The following FGF13 variants were observed in gnomAD, a reference collection of about 807,000 sequenced individuals.
The protein encoded by FGF13 is fibroblast growth factor homologous factor 2.
A neutral mutation model predicts 19.5 loss-of-function variants in FGF13; 2 were observed. The ratio of observed to expected loss-of-function variants is 0.10; its 90% CI spans 0.04 to 0.32. The LOEUF (loss-of-function observed/expected upper bound fraction) is 0.32, where lower values mean the gene tolerates loss of function less well. Among genes scored for constraint, FGF13 ranks in the 10% least tolerant of loss-of-function variants. The pLI is 1.00. For synonymous variants in FGF13, 72 were observed against 76.9 expected (o/e 0.94, Z 0.33); for missense variants, 113 against 192.7 (o/e 0.59, Z 2.45).
intron 3 of FGF13, among the ~76,000 whole-genome samples, chrX:138,816,705 G>A (rs999077876): frequency 1.8e-5 from 2 of 112,625 alleles, no homozygotes; most frequent in African/African-American, 3.2e-5. Context: ...GGACAGCTTC[G>A]AATGTGGCCC....
chrX:138,708,925 G>A lies in FGF13; in HGVS notation c.191C>T (p.Pro64Leu), dbSNP rs1408821397. 8.7e-7 allele frequency: 1 copy of A among 1,146,706 alleles called. No individual in the cohort carries two copies. The highest frequency in any genetic ancestry group is 2.2e-5 in the Admixed American group (1 of 44,519). 94.5% of individuals were successfully genotyped at this position (1,146,706 alleles called of 1,213,427 possible). Residue 64 changes from proline to leucine, a missense_variant, in exon 2 of 5, where the codon CCT (proline) becomes CTT (leucine). Pro to Leu is a moderately conservative substitution (Grantham distance 98, BLOSUM62 -3). Coordinates refer to ENST00000315930, the MANE Select transcript of FGF13 (RefSeq NM_004114.5). ...SKKRRRRRPE[P>L]QLKGIVTKLY... ...CTTGGTAACTATACCCTTAAGCTGA[G>A]GCTCTGCAAAGAGAACAATGATTTG... is the stretch of plus-strand genomic sequence containing the variant.
chrX:138,630,335 C>G lies in FGF13; in HGVS notation c.*2515G>C, dbSNP rs1018621221. 9.0e-6 allele frequency: 1 copy of G among 111,081 alleles called. No individual in the cohort carries two copies. The highest frequency in any genetic ancestry group is 1.9e-5 in the Non-Finnish European group (1 of 53,066). 9.2% of individuals were successfully genotyped at this position (111,081 alleles called of 1,213,427 possible). A position where few individuals can be genotyped will look rare whatever the true frequency, so the allele number is the denominator to read the frequency against. On this transcript the variant is annotated 3_prime_UTR_variant, in exon 5 of 5. Coordinates refer to ENST00000315930, the MANE Select transcript of FGF13 (RefSeq NM_004114.5). The stretch of plus-strand genomic sequence containing the variant: ...GACCAGCAACTGAAGTAGTCAGTGA[C>G]CAAACTTTAAAGTTCTTAGAGAAAG...
chrX:138,824,323 C>A (rs2091019654), intron 3 of FGF13, among the ~76,000 whole-genome samples: 1 of 111,316 alleles, frequency 9.0e-6, no homozygotes, highest in African/African-American at 3.3e-5. Context: ...AAGGCTTGAG[C>A]CCAGTTGCAG....
At chrX:139,138,377 G>C (rs1251064754) in intron 1 of FGF13, among the ~76,000 whole-genome samples, 1 of 111,765 alleles carries the variant, frequency 8.9e-6, no homozygotes, top group Non-Finnish European at 1.9e-5. Flanking sequence ...GAAGAAGTAA[G>C]ACAGCAGGAT....
At chrX:138,908,009 G>A (rs771994741) in intron 1 of FGF13, among the ~76,000 whole-genome samples, 9 of 109,533 alleles carry the variant, frequency 8.2e-5, no homozygotes, top group African/African-American at 3.0e-4. Flanking sequence ...ACACCAAAAT[G>A]TTAATGATGT....
In FGF13 at chrX:139,000,411, T is replaced by C. The variant is rs752041740; in HGVS notation, c.-112-135761A>G. On this transcript the variant is annotated intron_variant, in intron 1 of 2. Coordinates refer to the FGF13 transcript ENST00000421460. ...AAATCAAATTGTTTCTGTTTGCAGATGGTATGATTGTATATTTAGATAACC... is the reference window on the plus strand; with the variant it reads ...AAATCAAATTGTTTCTGTTTGCAGACGGTATGATTGTATATTTAGATAACC... 8.9e-5 allele frequency among the ~76,000 whole-genome samples: 10 copies of C among 112,070 alleles called. No homozygotes were observed. In the South Asian group the frequency reaches 3.4e-3, roughly 38 times the overall value.
chrX:138,910,099 A>G (rs977358712), intron 1 of FGF13, among the ~76,000 whole-genome samples: 2 of 111,095 alleles, frequency 1.8e-5, no homozygotes, highest in African/African-American at 6.6e-5. Flanking sequence ...TTTAGAGTAT[A>G]AAGAGACAAG....
intron 1 of FGF13, among the ~76,000 whole-genome samples, chrX:139,042,571 TA>T (rs56098995): frequency 0.5 from 54,588 of 110,142 alleles, 10,154 homozygotes; most frequent in Middle Eastern, 0.61. Flanking sequence ...TGCATTTATG[TA>T]AAAAAAATTT....
At chrX:138,782,287 A>C (rs1194103895) in intron 3 of FGF13, among the ~76,000 whole-genome samples, 1 of 112,182 alleles carries the variant, frequency 8.9e-6, no homozygotes, top group Admixed American at 9.4e-5. Context: ...CTATTCAACA[A>C]AGTGTTGGAA....
chrX:138,679,235 C>A (rs1218275814), intron 3 of FGF13, among the ~76,000 whole-genome samples: 1 of 110,463 alleles, frequency 9.1e-6, no homozygotes, highest in Non-Finnish European at 1.9e-5. Context: ...TGCCACCACA[C>A]CCCGCTAATT....
chrX:138,904,135 C>T (rs1288447063), intron 1 of FGF13, among the ~76,000 whole-genome samples: 1 of 111,871 alleles, frequency 8.9e-6, no homozygotes, highest in Non-Finnish European at 1.9e-5. Flanking sequence ...CTAGTAAATA[C>T]TAATGTCAAA....
At chrX:138,773,051 A>T (rs991853452) in intron 3 of FGF13, among the ~76,000 whole-genome samples, 4 of 110,312 alleles carry the variant, frequency 3.6e-5, no homozygotes, top group Middle Eastern at 4.3e-3. Flanking sequence ...AAAAAAAATA[A>T]AAATATATAA....
chrX:138,828,495 G>A (rs766613039), intron 3 of FGF13, among the ~76,000 whole-genome samples: 26 of 107,692 alleles, frequency 2.4e-4, no homozygotes, highest in Admixed American at 5.9e-4. Flanking sequence ...GCGTGAACCC[G>A]GGAGGCGGAG....
At chrX:138,811,073 G>T (rs185720537) in intron 3 of FGF13, among the ~76,000 whole-genome samples, 60 of 112,147 alleles carry the variant, frequency 5.4e-4, no homozygotes, top group African/African-American at 1.9e-3. Context: ...AATACCATTT[G>T]ACGCAGCCAT....
upstream of FGF13, among the ~76,000 whole-genome samples, chrX:138,743,967 T>G (rs1024594165): frequency 9.0e-6 from 1 of 111,070 alleles, no homozygotes. Context: ...CAAGATTTTG[T>G]GTTCCTCCTC....
At chrX:138,808,487 G>C (rs1238733005) in intron 3 of FGF13, among the ~76,000 whole-genome samples, 1 of 111,628 alleles carries the variant, frequency 9.0e-6, no homozygotes, top group Non-Finnish European at 1.9e-5. Flanking sequence ...CATAAGAAAG[G>C]AGGAAAGATC....
intron 1 of FGF13, among the ~76,000 whole-genome samples, chrX:139,044,075 A>G (rs2092279162): frequency 1.8e-5 from 2 of 112,361 alleles, no homozygotes; most frequent in Non-Finnish European, 3.7e-5. Flanking sequence ...AATATTGTGA[A>G]TACACAAAAT....
At chrX:138,775,747 C>T (rs1015430597) in intron 3 of FGF13, among the ~76,000 whole-genome samples, 2 of 112,608 alleles carry the variant, frequency 1.8e-5, no homozygotes, top group South Asian at 3.7e-4. Flanking sequence ...GAAGATCCTA[C>T]GATTTTTCTG....
chrX:139,053,980 C>T (rs994504908), intron 1 of FGF13, among the ~76,000 whole-genome samples: 1 of 110,707 alleles, frequency 9.0e-6, no homozygotes, highest in Non-Finnish European at 1.9e-5. Context: ...TGTGGCCAGC[C>T]AATTATCCCA....
Sources: allele counts gnomAD v4.1 joint callset (sites outside exome capture counted in the v4.1 genomes callset), GRCh38; gene constraint gnomAD v4.1.1; transcripts MANE v1.5; gene names NCBI Gene and HGNC (gene_info 2026-07-23, HGNC 2026-07-21).